The following RANBP2 variants were observed in gnomAD, a reference collection of about 807,000 sequenced individuals.
The protein encoded by RANBP2 is E3 SUMO-protein ligase RanBP2.
RANBP2 carries 57 observed loss-of-function variants against 303.6 expected under a neutral mutation model. That is an observed-to-expected ratio of 0.19 (90% CI 0.15 to 0.23). The LOEUF (loss-of-function observed/expected upper bound fraction) is 0.23. Among genes scored for constraint, RANBP2 ranks in the 10% least tolerant of loss-of-function variants. The pLI, the probability that RANBP2 is intolerant of heterozygous loss-of-function variation, is 1.00. For synonymous variants in RANBP2, 1,167 were observed against 1,301.5 expected (o/e 0.90, Z 2.23); for missense variants, 3,138 against 3,780.8 (o/e 0.83, Z 4.46).
chr2:108,827,924 A>G, the RANBP2 span, among the ~76,000 whole-genome samples: 1 of 152,152 alleles, frequency 6.6e-6, no homozygotes, highest in South Asian at 2.1e-4. Context: ...CCATATGTAA[A>G]CATATATTAA....
the RANBP2 span, among the ~76,000 whole-genome samples, chr2:109,498,224 C>G: frequency 2.0e-5 from 3 of 152,184 alleles, no homozygotes; most frequent in Non-Finnish European, 4.4e-5. Context: ...ACCAGTCCAA[C>G]CATCGTGCAC....
the RANBP2 span, among the ~76,000 whole-genome samples, chr2:108,843,790 C>T: frequency 1.4e-4 from 20 of 146,712 alleles, no homozygotes; most frequent in East Asian, 4.0e-4. Flanking sequence ...TCTCTGGGCA[C>T]GTTTTTTGCC....
the RANBP2 span, among the ~76,000 whole-genome samples, chr2:109,579,974 A>G: frequency 1.7e-4 from 26 of 151,892 alleles, no homozygotes; most frequent in African/African-American, 5.8e-4. Flanking sequence ...TACAAAAATT[A>G]GCTGGGCGTG....
the RANBP2 span, among the ~76,000 whole-genome samples, chr2:109,698,360 G>C: frequency 1.3e-5 from 2 of 151,718 alleles, no homozygotes; most frequent in Non-Finnish European, 2.9e-5. Flanking sequence ...CAGCTACTCA[G>C]GAGGCTGAGG....
At chr2:108,741,981 G>A (rs917928372) in intron 7 of RANBP2, among the ~76,000 whole-genome samples, 2 of 151,776 alleles carry the variant, frequency 1.3e-5, no homozygotes, top group African/African-American at 4.8e-5. Context: ...TAGAGAAGGC[G>A]CCTCCTTCTA....
chr2:109,228,139 A>T, the RANBP2 span, among the ~76,000 whole-genome samples: 1 of 152,174 alleles, frequency 6.6e-6, no homozygotes, highest in African/African-American at 2.4e-5. Flanking sequence ...TTCATGCTGC[A>T]AATGATGTAC....
chr2:108,921,206 G>GGAGGTGTGGGGCA, the RANBP2 span, among the ~76,000 whole-genome samples: 1 of 152,092 alleles, frequency 6.6e-6, no homozygotes, highest in East Asian at 1.9e-4. Flanking sequence ...TTAGAGCCTG[G>GGAGGTGTGGGGCA]GAGGTGTGGG....
chr2:109,289,818 G>A, the RANBP2 span, among the ~76,000 whole-genome samples: 3 of 152,020 alleles, frequency 2.0e-5, no homozygotes, highest in Admixed American at 2.0e-4. Context: ...TGGGGAAATC[G>A]GGAAATCAAC....
the RANBP2 span, among the ~76,000 whole-genome samples, chr2:109,493,289 ACACACCATG>A: frequency 1.2e-5 from 1 of 84,960 alleles, no homozygotes; most frequent in African/African-American, 4.1e-5. Flanking sequence ...CCATAGAAAC[ACACACCATG>A]CACACCATGC....
At chr2:108,858,825 C>T in the RANBP2 span, among the ~76,000 whole-genome samples, 3 of 151,936 alleles carry the variant, frequency 2.0e-5, no homozygotes, top group African/African-American at 7.3e-5. Flanking sequence ...CCAGCTGCAT[C>T]CATGTTGCTG....
At chr2:109,249,255 T>C in the RANBP2 span, among the ~76,000 whole-genome samples, 3 of 152,204 alleles carry the variant, frequency 2.0e-5, no homozygotes, top group Non-Finnish European at 2.9e-5. Flanking sequence ...CAGGTTTCTG[T>C]TGAAAAGTTA....
the RANBP2 span, among the ~76,000 whole-genome samples, chr2:109,431,926 A>G: frequency 1.4e-4 from 22 of 152,230 alleles, no homozygotes; most frequent in Admixed American, 1.3e-3. Context: ...GGAAGTGTGC[A>G]ACCACAGTTT....
the RANBP2 span, among the ~76,000 whole-genome samples, chr2:109,103,185 G>A: frequency 6.6e-6 from 1 of 152,230 alleles, no homozygotes; most frequent in Admixed American, 6.5e-5. Flanking sequence ...GGCACCTTGA[G>A]TTCAGCCTCA....
At chr2:109,087,584 T>C in the RANBP2 span, among the ~76,000 whole-genome samples, 17 of 152,202 alleles carry the variant, frequency 1.1e-4, no homozygotes, top group East Asian at 3.3e-3. Flanking sequence ...AGTCAGACAG[T>C]TTTGGGTTCA....
chr2:109,227,545 G>T, the RANBP2 span, among the ~76,000 whole-genome samples: 10 of 152,194 alleles, frequency 6.6e-5, no homozygotes, highest in Admixed American at 1.3e-4. Context: ...CCTGGGCCCT[G>T]CCCTTCATCC....
the RANBP2 span, among the ~76,000 whole-genome samples, chr2:109,304,573 C>A: frequency 1.3e-5 from 2 of 152,152 alleles, no homozygotes; most frequent in Non-Finnish European, 2.9e-5. Flanking sequence ...CCGCTGCACC[C>A]GTCGGCACTG....
At chr2:109,364,215 A>G in the RANBP2 span, among the ~76,000 whole-genome samples, 2 of 136,136 alleles carry the variant, frequency 1.5e-5, no homozygotes, top group African/African-American at 2.8e-5. Flanking sequence ...GGAGGTTTCT[A>G]TTGAGATATC....
the RANBP2 span, among the ~76,000 whole-genome samples, chr2:108,935,875 C>T: frequency 2.0e-5 from 3 of 152,316 alleles, no homozygotes; most frequent in East Asian, 1.9e-4. Flanking sequence ...CTTTCCTAGC[C>T]GTCCTCCCCT....
At chr2:109,629,316 T>G in the RANBP2 span, among the ~76,000 whole-genome samples, 216 of 3,358 alleles carry the variant, frequency 0.064, 8 homozygotes, top group African/African-American at 0.12. Flanking sequence ...TATATATATA[T>G]ATATATATAT....
Sources: gnomAD v4.1 joint callset for allele counts (sites outside exome capture counted in the v4.1 genomes callset) on GRCh38, gnomAD v4.1.1 for gene constraint, MANE v1.5 for transcripts, NCBI Gene and HGNC (gene_info 2026-07-23, HGNC 2026-07-21) for gene names.